CASD1: variants seen among roughly 807,000 people sequenced by gnomAD.
The protein encoded by CASD1 is N-acetylneuraminate (7)9-O-acetyltransferase.
CASD1 carries 41 observed loss-of-function variants against 100.0 expected under a neutral mutation model. The observed-to-expected ratio is 0.41, with a 90% CI of 0.32 to 0.53. CASD1 has a LOEUF of 0.53. Among genes scored for constraint, CASD1 ranks in the 20% least tolerant of loss-of-function variants. The probability of loss-of-function intolerance (pLI) is 0.25; values close to 1 mark genes in which losing one functional copy is unlikely to be tolerated. For missense variants in CASD1, 774 were observed against 948.7 expected, an observed-to-expected ratio of 0.82 and a Z score of 2.42; for synonymous variants, 321 against 315.6, an observed-to-expected ratio of 1.02 and a Z score of -0.18.
At chr7:94,629,710 A>G in the CASD1 span, 1 of 1,610,726 alleles carries the variant, frequency 6.2e-7, no homozygotes, top group Middle Eastern at 1.7e-4. Flanking sequence ...TTCCTCACAA[A>G]GAACATACCA....
intron 16 of CASD1, 138 bp from the exon 17 acceptor site, chr7:94,554,345 T>G: frequency 3.5e-6 from 2 of 568,350 alleles, no homozygotes; most frequent in Non-Finnish European, 6.1e-6. Context: ...TCTAATACTT[T>G]TAGAATATAA....
chr7:94,611,635 T>G, the CASD1 span, among the ~76,000 whole-genome samples: 3 of 152,220 alleles, frequency 2.0e-5, no homozygotes, highest in African/African-American at 7.2e-5. Flanking sequence ...TTTAGATAGG[T>G]GCATTGTATG....
the CASD1 span, among the ~76,000 whole-genome samples, chr7:94,575,748 G>A: frequency 2.0e-5 from 3 of 151,682 alleles, no homozygotes; most frequent in Admixed American, 2.0e-4. Flanking sequence ...AAGTTTGCTG[G>A]ATATAAAATC....
chr7:94,588,356 C>A, the CASD1 span: 1 of 1,125,360 alleles, frequency 8.9e-7, no homozygotes, highest in Non-Finnish European at 1.1e-6. Context: ...TGAGACAAAT[C>A]CTGGATGCAT....
At chr7:94,603,346 T>C in the CASD1 span, 1 of 1,612,734 alleles carries the variant, frequency 6.2e-7, no homozygotes. Context: ...TTATCACATG[T>C]TATTACAGGC....
chr7:94,533,019 A>G (rs981894796), intron 5 of CASD1, among the ~76,000 whole-genome samples, 186 bp from the exon 6 acceptor site: 1 of 152,190 alleles, frequency 6.6e-6, no homozygotes, highest in Non-Finnish European at 1.5e-5. Flanking sequence ...ACAAGATTTT[A>G]GGCATTGGAT....
the CASD1 span, chr7:94,585,159 T>C: frequency 3.7e-5 from 9 of 244,318 alleles, no homozygotes; most frequent in Admixed American, 2.0e-4. Context: ...AACCTGTTTC[T>C]AGCGATTAAA....
the CASD1 span, among the ~76,000 whole-genome samples, chr7:94,595,753 A>G: frequency 7.9e-5 from 12 of 152,136 alleles, no homozygotes; most frequent in Non-Finnish European, 1.8e-4. Flanking sequence ...GATGAACCCC[A>G]TACAATAAAT....
At chr7:94,604,806 AATATATATATATAT>A in the CASD1 span, among the ~76,000 whole-genome samples, 414 of 44,316 alleles carry the variant, frequency 9.3e-3, 6 homozygotes, top group East Asian at 0.037. Context: ...ATGGTGCTGG[AATATATATATATAT>A]ATATATATAT....
the CASD1 span, chr7:94,600,797 G>T: frequency 6.2e-7 from 1 of 1,613,320 alleles, no homozygotes; most frequent in Non-Finnish European, 8.5e-7. Flanking sequence ...CCACCATCAG[G>T]TAAAATCCCC....
intron 1 of CASD1, among the ~76,000 whole-genome samples, chr7:94,511,977 G>A (rs1793735255): frequency 6.6e-6 from 1 of 152,174 alleles, no homozygotes; most frequent in Non-Finnish European, 1.5e-5. Flanking sequence ...TGAGTGTGAA[G>A]CATACACCTG....
chr7:94,516,169 T>C (rs1283188868), intron 1 of CASD1, among the ~76,000 whole-genome samples: 1 of 151,894 alleles, frequency 6.6e-6, no homozygotes. Context: ...AAAAAACTGC[T>C]CAAGCCGTGT....
chr7:94,545,429 T>C (rs1795627463), intron 11 of CASD1, 116 bp from the exon 12 acceptor site: 2 of 662,742 alleles, frequency 3.0e-6, no homozygotes, highest in Non-Finnish European at 5.3e-6. Context: ...TGTACAGTCA[T>C]TATTGAGTCT....
the CASD1 span, among the ~76,000 whole-genome samples, chr7:94,575,130 T>A: frequency 6.6e-6 from 1 of 152,216 alleles, no homozygotes; most frequent in Admixed American, 6.5e-5. Flanking sequence ...TTCTTTCAGT[T>A]GTCATGTTAA....
chr7:94,527,298 T>TATCTACTCTC, intron 4 of CASD1, 92 bp downstream of exon 4: 1 of 943,044 alleles, frequency 1.1e-6, no homozygotes, highest in Non-Finnish European at 1.7e-6. Context: ...AATGTATTCT[T>TATCTACTCTC]GAGAGTAGAT....
the CASD1 span, among the ~76,000 whole-genome samples, chr7:94,602,817 C>T: frequency 6.6e-6 from 1 of 152,122 alleles, no homozygotes; most frequent in Non-Finnish European, 1.5e-5. Flanking sequence ...ACTTTCTTCA[C>T]TTGGAATTGT....
chr7:94,566,518 T>G, the CASD1 span, among the ~76,000 whole-genome samples: 1 of 152,102 alleles, frequency 6.6e-6, no homozygotes, highest in African/African-American at 2.4e-5. Flanking sequence ...AAAGAACTCT[T>G]ACAATTTTTT....
At position 94,517,478 on chromosome 7, in the gene CASD1, A is replaced by G. The variant is rs1310538272; in HGVS notation, c.134-82A>G. 4 of 800,130 alleles carry G rather than the reference A, an allele frequency of 5.0e-6. No homozygotes were observed. In the Admixed American group the frequency reaches 7.5e-5, roughly 15 times the overall value. The allele number at this position is 800,130 out of a possible 1,614,324, so 49.6% of individuals were successfully genotyped here. A position where few individuals can be genotyped will look rare whatever the true frequency, so the allele number is the denominator to read the frequency against. On this transcript the variant is annotated intron_variant, in intron 1 of 17. Transcript: ENST00000297273. Reference sequence around the variant, plus strand: ...AGAGAAAACTCTACTTTTTTATTTCAAGGAACTTATATAGGGTCAAGATAG... The same window carrying G: ...AGAGAAAACTCTACTTTTTTATTTCGAGGAACTTATATAGGGTCAAGATAG...
the CASD1 span, among the ~76,000 whole-genome samples, chr7:94,611,492 G>A: frequency 6.6e-6 from 1 of 151,834 alleles, no homozygotes; most frequent in Non-Finnish European, 1.5e-5. Flanking sequence ...GGTAGGGGTG[G>A]GGGTGGGGGT....
Sources: allele counts gnomAD v4.1 joint callset (sites outside exome capture counted in the v4.1 genomes callset), GRCh38; gene constraint gnomAD v4.1.1; transcripts MANE v1.5; gene names NCBI Gene and HGNC (gene_info 2026-07-23, HGNC 2026-07-21).